SLC38A9: variants seen among roughly 807,000 people sequenced by gnomAD.
SLC38A9 encodes solute carrier family 38 member 9.
Under a neutral mutation model 62.3 loss-of-function variants are expected in SLC38A9, and 48 were observed. That is an observed-to-expected ratio of 0.77 (90% CI 0.61 to 0.98). The LOEUF is 0.98. SLC38A9 is among the 50% of genes least tolerant of loss of function. The pLI is 0.00. For missense variants in SLC38A9, 541 were observed against 679.8 expected (o/e 0.80, Z 2.27); for synonymous variants, 204 against 227.7 (o/e 0.90, Z 0.94).
At chr5:55,676,609 G>A (rs578149356) in intron 3 of SLC38A9, among the ~76,000 whole-genome samples, 1 of 152,236 alleles carries the variant, frequency 6.6e-6, no homozygotes, top group African/African-American at 2.4e-5. Flanking sequence ...AAAATATTTT[G>A]TATCATACAG....
intron 12 of SLC38A9, among the ~76,000 whole-genome samples, chr5:55,637,723 G>A (rs1046720202): frequency 1.3e-5 from 2 of 152,158 alleles, no homozygotes; most frequent in African/African-American, 2.4e-5. Flanking sequence ...AGGCTATATT[G>A]CTAAGCACAT....
intron 2 of SLC38A9, among the ~76,000 whole-genome samples, chr5:55,705,383 T>C (rs1757148311): frequency 6.6e-6 from 1 of 151,352 alleles, no homozygotes. Context: ...TTACATGTTA[T>C]TGTTTAAATC....
chr5:55,633,168 G>A (rs573240514), intron 14 of SLC38A9, among the ~76,000 whole-genome samples: 10 of 151,976 alleles, frequency 6.6e-5, no homozygotes, highest in Non-Finnish European at 4.4e-5. Flanking sequence ...CACTATGCTC[G>A]GCTGATTTTT....
intron 8 of SLC38A9, among the ~76,000 whole-genome samples, chr5:55,658,686 G>A (rs938287738): frequency 4.6e-5 from 7 of 152,160 alleles, no homozygotes; most frequent in African/African-American, 1.7e-4. Context: ...AGTTATGAAA[G>A]AAGAAATCTG....
chr5:55,679,059 G>T (rs1230719094), intron 3 of SLC38A9, among the ~76,000 whole-genome samples: 1 of 149,998 alleles, frequency 6.7e-6, no homozygotes, highest in Non-Finnish European at 1.5e-5. Flanking sequence ...TGACTATACT[G>T]CCAATAAATC....
chr5:55,675,653 A>G (rs1016438943), intron 3 of SLC38A9, among the ~76,000 whole-genome samples: 1 of 152,212 alleles, frequency 6.6e-6, no homozygotes, highest in African/African-American at 2.4e-5. Flanking sequence ...CTAAAAATAA[A>G]TAAGTCATAT....
chr5:55,658,085 T>C (rs1748777168), intron 8 of SLC38A9: 1 of 152,234 alleles, frequency 6.6e-6, no homozygotes, highest in South Asian at 2.1e-4. Flanking sequence ...AATAGAGTCT[T>C]TGTAGATACA....
chr5:55,658,935 G>A (rs1465476828), intron 8 of SLC38A9, among the ~76,000 whole-genome samples: 4 of 152,074 alleles, frequency 2.6e-5, no homozygotes, highest in Non-Finnish European at 5.9e-5. Flanking sequence ...ACAATACAAG[G>A]ATGGTTTAAA....
chr5:55,656,826 C>CTATT (rs1748524406), intron 8 of SLC38A9, 52 bp from the exon 9 acceptor site: 3 of 901,060 alleles, frequency 3.3e-6, no homozygotes, highest in Non-Finnish European at 5.1e-6. Flanking sequence ...GACACTAAAT[C>CTATT]TATTACCCTT....
intron 3 of SLC38A9, among the ~76,000 whole-genome samples, chr5:55,685,016 G>A (rs1753563033): frequency 6.6e-6 from 1 of 152,192 alleles, no homozygotes; most frequent in African/African-American, 2.4e-5. Context: ...TTGAGGAAAT[G>A]CTGGGCTCTC....
At chr5:55,666,428 T>C (rs552552123) in intron 7 of SLC38A9, among the ~76,000 whole-genome samples, 17 of 152,312 alleles carry the variant, frequency 1.1e-4, no homozygotes, top group Non-Finnish European at 1.8e-4. Flanking sequence ...TGAACTACTT[T>C]GAAATAATTA....
At chr5:55,641,903 CTG>C (rs1270948474) in intron 12 of SLC38A9, among the ~76,000 whole-genome samples, 2 of 152,222 alleles carry the variant, frequency 1.3e-5, no homozygotes, top group African/African-American at 4.8e-5. Flanking sequence ...TCTTTGGTAA[CTG>C]AGATTTGAAC....
At chr5:55,711,293 G>A (rs1175240894) in intron 2 of SLC38A9, 159 bp downstream of exon 2, 3 of 145,528 alleles carry the variant, frequency 2.1e-5, no homozygotes, top group African/African-American at 2.6e-5. Flanking sequence ...ACTCTTGTCT[G>A]AAAAAAAAAA....
intron 2 of SLC38A9, among the ~76,000 whole-genome samples, chr5:55,705,967 CA>C (rs1194387041): frequency 6.6e-6 from 1 of 152,290 alleles, no homozygotes; most frequent in East Asian, 1.9e-4. Flanking sequence ...CTCGGCCTCC[CA>C]AAGTGCTGGG....
chr5:55,652,357 C>CAAAAAAAAAA (rs60557392), intron 10 of SLC38A9, among the ~76,000 whole-genome samples, 172 bp downstream of exon 10: 12 of 56,154 alleles, frequency 2.1e-4, no homozygotes, highest in South Asian at 1.0e-3. Flanking sequence ...AACTCCGTCT[C>CAAAAAAAAAA]AAAAAAAAAA....
intron 14 of SLC38A9, among the ~76,000 whole-genome samples, chr5:55,632,410 C>A (rs1743634624): frequency 6.6e-6 from 1 of 152,130 alleles, no homozygotes; most frequent in Non-Finnish European, 1.5e-5. Flanking sequence ...TGCACTCCAG[C>A]CTGGGCGGCA....
At chr5:55,647,099 G>GA (rs1357876100) in intron 11 of SLC38A9, among the ~76,000 whole-genome samples, 2 of 151,996 alleles carry the variant, frequency 1.3e-5, no homozygotes, top group African/African-American at 2.4e-5. Context: ...TGTATGCAAA[G>GA]AAAAAAGACT....
In SLC38A9 at chr5:55,659,852, G is replaced by A. The variant is rs1202087859; in HGVS notation, c.698-3078C>T. 9.2e-5 allele frequency among the ~76,000 whole-genome samples: 14 copies of A among 151,560 alleles called. No homozygotes were observed. The East Asian group carries it at 1.4e-3, about 15-fold the overall frequency. ...ACGGTCTCCGCTCACTGCAAGCTCC[G>A]CCCCCCAGGTTCATGCCATTCTCCT... On this transcript the variant is annotated intron_variant, in intron 8 of 15. Transcript: ENST00000396865.
intron 3 of SLC38A9, among the ~76,000 whole-genome samples, chr5:55,674,691 G>C (rs1291674605): frequency 6.6e-6 from 1 of 152,168 alleles, no homozygotes; most frequent in Non-Finnish European, 1.5e-5. Flanking sequence ...AAGGAACTAA[G>C]ACAATAAGCA....
Sources: allele counts gnomAD v4.1 joint callset (sites outside exome capture counted in the v4.1 genomes callset), GRCh38; gene constraint gnomAD v4.1.1; transcripts MANE v1.5; gene names NCBI Gene and HGNC (gene_info 2026-07-23, HGNC 2026-07-21).